Variants in JAK2 observed in about 807,000 individuals in gnomAD.
JAK2 encodes the protein tyrosine-protein kinase JAK2.
Under a neutral mutation model 139.3 loss-of-function variants are expected in JAK2, and 86 were observed. That is an observed-to-expected ratio of 0.62 (90% CI 0.52 to 0.74). The LOEUF (loss-of-function observed/expected upper bound fraction) is 0.74, where lower values mean the gene tolerates loss of function less well. Among genes scored for constraint, JAK2 ranks in the 30% least tolerant of loss-of-function variants. The pLI is 0.00. For synonymous variants in JAK2, 490 were observed against 437.7 expected (o/e 1.12, Z -1.49); for missense variants, 1,421 against 1,360.3 (o/e 1.04, Z -0.70).
At chr9:5,064,821 C>A in intron 8 of JAK2, 62 bp from the exon 9 acceptor site, 1 of 1,273,994 alleles carries the variant, frequency 7.8e-7, no homozygotes, top group Non-Finnish European at 1.1e-6. Flanking sequence ...AGAAAATTTT[C>A]AATATTTAAC....
intron 22 of JAK2, among the ~76,000 whole-genome samples, chr9:5,104,265 A>G (rs996330877): frequency 2.0e-5 from 3 of 152,234 alleles, no homozygotes; most frequent in Non-Finnish European, 4.4e-5. Flanking sequence ...ACAAACTACC[A>G]TCAGAGAATA....
At chr9:4,984,847 G>A (rs1819848449), upstream of JAK2, 3 of 152,274 alleles carry the variant, frequency 2.0e-5, no homozygotes, top group African/African-American at 7.2e-5. Context: ...GCCCAGCGCT[G>A]GCGCCTAGCT....
upstream of JAK2, chr9:4,985,089 C>T (rs1222890299): frequency 1.3e-5 from 2 of 152,298 alleles, no homozygotes; most frequent in Admixed American, 6.5e-5. Context: ...TCCTGCCATT[C>T]GGGGAGACTG....
rs1349280171 is a variant in JAK2, at chr9:5,128,078, TTTTG to T, written c.*1289_*1292del. On this transcript the variant is annotated 3_prime_UTR_variant, in exon 25 of 25. Coordinates refer to ENST00000381652, the MANE Select transcript of JAK2 (RefSeq NM_004972.4). ...CATAGCTAAAATAAAATATGGTGGG[TTTTG>T]TGTGTGTGTGTGTGTGTGTGTGTGT... 2 of 172,086 alleles carry T rather than the reference TTTTG, an allele frequency of 1.2e-5. No individual in the cohort carries two copies. Among genetic ancestry groups the T allele is most frequent in the East Asian group, 7.0e-5 (1 of 14,370 alleles). The allele number at this position is 172,086 out of a possible 1,614,324, so 10.7% of individuals were successfully genotyped here.
intron 19 of JAK2, among the ~76,000 whole-genome samples, chr9:5,083,264 T>A (rs1819841394): frequency 6.6e-6 from 1 of 152,206 alleles, no homozygotes; most frequent in Admixed American, 6.5e-5. Context: ...TAGCAGAGAC[T>A]CTGTCTATTA....
chr9:5,050,362 C>T (rs1817327026), intron 5 of JAK2, among the ~76,000 whole-genome samples: 1 of 152,118 alleles, frequency 6.6e-6, no homozygotes, highest in African/African-American at 2.4e-5. Context: ...GTGGTGTGAT[C>T]ATAGCTGAAG....
intron 22 of JAK2, among the ~76,000 whole-genome samples, chr9:5,092,553 A>G (rs1011403413): frequency 1.3e-5 from 2 of 152,198 alleles, no homozygotes; most frequent in Non-Finnish European, 2.9e-5. Flanking sequence ...ACAAAAGAAT[A>G]GGCAATAGAA....
chr9:5,085,727 AAT>A, intron 19 of JAK2: 2 of 753,242 alleles, frequency 2.7e-6, no homozygotes, highest in East Asian at 4.9e-5. Flanking sequence ...TCATTTCTGC[AAT>A]TAAGGCTGTG....
At chr9:5,064,402 T>C (rs1032493523) in intron 8 of JAK2, among the ~76,000 whole-genome samples, 29 of 151,734 alleles carry the variant, frequency 1.9e-4, no homozygotes, top group Non-Finnish European at 1.5e-5. Context: ...TGGCGGCATA[T>C]GCCTGTAATC....
intron 22 of JAK2, among the ~76,000 whole-genome samples, chr9:5,115,060 T>C (rs987137755): frequency 1.3e-5 from 2 of 152,088 alleles, no homozygotes; most frequent in East Asian, 1.9e-4. Flanking sequence ...AAAGCCAAAA[T>C]AGACAGATGG....
intron 12 of JAK2, among the ~76,000 whole-genome samples, chr9:5,072,052 G>T (rs529810523): frequency 9.7e-4 from 147 of 152,090 alleles, no homozygotes; most frequent in Non-Finnish European, 1.0e-3. Flanking sequence ...AAGAAACCAC[G>T]ACAGCTGCAG....
At position 5,113,803 on chromosome 9, in the gene JAK2, G is replaced by A. The variant is rs576011539; in HGVS notation, c.3060-9201G>A. 5.3e-4 allele frequency: 90 copies of A among 168,594 alleles called. 1 individual carries two copies. Among genetic ancestry groups the A allele is most frequent in the African/African-American group, 1.7e-3 (71 of 41,752 alleles). The allele number at this position is 168,594 out of a possible 1,614,324, so 10.4% of individuals were successfully genotyped here. A position where few individuals can be genotyped will look rare whatever the true frequency, so the allele number is the denominator to read the frequency against. ...CGTGGGCCAAACGCTCACCTGCAGC[G>A]TGGCACACACTCTGTGGTCCGCAGA... On this transcript the variant is annotated intron_variant, in intron 22 of 24. Transcript: ENST00000381652.
At chr9:5,035,638 G>T (rs1056781577) in intron 4 of JAK2, among the ~76,000 whole-genome samples, 15 of 152,212 alleles carry the variant, frequency 9.9e-5, no homozygotes, top group African/African-American at 3.4e-4. Context: ...AAAACCATAT[G>T]ATTATCTCAG....
intron 2 of JAK2, among the ~76,000 whole-genome samples, chr9:4,997,085 G>T (rs189439449): frequency 6.6e-6 from 1 of 151,606 alleles, no homozygotes; most frequent in Non-Finnish European, 1.5e-5. Context: ...AGTGCCACTA[G>T]GCCTGGCTAA....
intron 22 of JAK2, chr9:5,097,676 T>C (rs997413841): frequency 1.4e-4 from 22 of 152,340 alleles, no homozygotes; most frequent in Admixed American, 1.4e-3. Flanking sequence ...CCCGCAATGT[T>C]CTGAGCCCTA....
chr9:5,117,307 T>C (rs937853773), intron 22 of JAK2, among the ~76,000 whole-genome samples: 1 of 152,232 alleles, frequency 6.6e-6, no homozygotes, highest in African/African-American at 2.4e-5. Context: ...CCTTCTTTAG[T>C]AGACAGTGCG....
chr9:5,044,599 A>T, intron 5 of JAK2, 79 bp downstream of exon 5: 1 of 875,952 alleles, frequency 1.1e-6, no homozygotes, highest in Non-Finnish European at 1.7e-6. Context: ...AATCAGGAAA[A>T]ACTTTACATA....
At chr9:5,055,557 A>C in intron 7 of JAK2, 112 bp from the exon 8 acceptor site, 1 of 797,796 alleles carries the variant, frequency 1.3e-6, no homozygotes, top group Non-Finnish European at 1.9e-6. Context: ...TATTGTTATC[A>C]ATACCTTTTT....
At chr9:5,104,054 A>G (rs543216799) in intron 22 of JAK2, among the ~76,000 whole-genome samples, 1 of 152,344 alleles carries the variant, frequency 6.6e-6, no homozygotes, top group South Asian at 2.1e-4. Context: ...AGAAGGCAAG[A>G]AATAACTAAG....
Sources: gnomAD v4.1 joint callset for allele counts (sites outside exome capture counted in the v4.1 genomes callset) on GRCh38, gnomAD v4.1.1 for gene constraint, MANE v1.5 for transcripts, NCBI Gene and HGNC (gene_info 2026-07-23, HGNC 2026-07-21) for gene names.